Variants in EPHA6 observed in about 807,000 individuals in gnomAD.
EPHA6 encodes the protein ephrin type-A receptor 6.
In EPHA6, 50 loss-of-function variants were observed where a neutral mutation model predicts 112.0. The ratio of observed to expected loss-of-function variants is 0.45; its 90% CI spans 0.36 to 0.56. The LOEUF (loss-of-function observed/expected upper bound fraction) is 0.56, where lower values mean the gene tolerates loss of function less well. EPHA6 is among the 20% of genes least tolerant of loss of function. EPHA6 has a pLI of 0.00. For missense variants in EPHA6, 1,280 were observed against 1,417.4 expected (o/e 0.90, Z 1.56); for synonymous variants, 529 against 490.7 (o/e 1.08, Z -1.03).
intron 5 of EPHA6, among the ~76,000 whole-genome samples, chr3:97,255,228 A>G (rs898930823): frequency 6.6e-6 from 1 of 151,846 alleles, no homozygotes; most frequent in Non-Finnish European, 1.5e-5. Flanking sequence ...AATGAGTGCT[A>G]TGAAAACGTT....
At chr3:97,286,104 T>C (rs1050257991) in intron 5 of EPHA6, among the ~76,000 whole-genome samples, 8 of 152,170 alleles carry the variant, frequency 5.3e-5, no homozygotes, top group African/African-American at 1.9e-4. Context: ...CACTGAGTTA[T>C]TTCTGTTCTC....
At chr3:97,470,880 A>G (rs1031688708) in intron 7 of EPHA6, among the ~76,000 whole-genome samples, 5 of 151,750 alleles carry the variant, frequency 3.3e-5, no homozygotes, top group Admixed American at 2.0e-4. Context: ...ACAAAGGATC[A>G]TTTCCAATCA....
intron 3 of EPHA6, among the ~76,000 whole-genome samples, chr3:97,225,149 G>A (rs1378100004): frequency 1.3e-5 from 2 of 152,228 alleles, no homozygotes; most frequent in Admixed American, 1.3e-4. Flanking sequence ...TAGAGAGGGG[G>A]TTTCACCGTG....
intron 3 of EPHA6, among the ~76,000 whole-genome samples, chr3:97,204,040 G>C (rs1344413380): frequency 1.3e-5 from 2 of 152,074 alleles, no homozygotes; most frequent in Non-Finnish European, 2.9e-5. Flanking sequence ...ATGAAAGGTT[G>C]TATAATTATG....
At chr3:96,922,881 CT>C (rs1333880623) in intron 2 of EPHA6, among the ~76,000 whole-genome samples, 1 of 152,180 alleles carries the variant, frequency 6.6e-6, no homozygotes, top group Admixed American at 6.5e-5. Context: ...TCGTGTCTCA[CT>C]GTTAAGTAAG....
chr3:96,907,469 G>A (rs2038994829), intron 2 of EPHA6, among the ~76,000 whole-genome samples: 1 of 145,078 alleles, frequency 6.9e-6, no homozygotes, highest in Non-Finnish European at 1.5e-5. Flanking sequence ...TCGTTTACTA[G>A]GAAAAAAAAT....
chr3:97,020,377 TA>T (rs2044414013), intron 3 of EPHA6, among the ~76,000 whole-genome samples: 2 of 152,144 alleles, frequency 1.3e-5, no homozygotes, highest in African/African-American at 4.8e-5. Flanking sequence ...AGCGAAATAA[TA>T]GGACAACATG....
At chr3:97,178,908 GTTA>G (rs1559777394) in intron 3 of EPHA6, among the ~76,000 whole-genome samples, 1 of 151,982 alleles carries the variant, frequency 6.6e-6, no homozygotes, top group East Asian at 1.9e-4. Flanking sequence ...AAAGTTCTCT[GTTA>G]TTATTCCTTT....
At chr3:97,588,697 T>C (rs990553064) in intron 11 of EPHA6, among the ~76,000 whole-genome samples, 2 of 152,238 alleles carry the variant, frequency 1.3e-5, no homozygotes, top group African/African-American at 4.8e-5. Flanking sequence ...TTTATAATCA[T>C]TTGCTACATT....
chr3:97,702,494 G>T (rs180865755), intron 14 of EPHA6, among the ~76,000 whole-genome samples: 154 of 152,268 alleles, frequency 1.0e-3, no homozygotes, highest in African/African-American at 3.5e-3. Context: ...TTAGAAACCT[G>T]ATGCTTCTTC....
chr3:97,414,294 C>T (rs1180897052), intron 6 of EPHA6, among the ~76,000 whole-genome samples: 3 of 151,880 alleles, frequency 2.0e-5, no homozygotes, highest in African/African-American at 7.3e-5. Flanking sequence ...GAGGCATTCC[C>T]CTGCTTCAAC....
At position 97,443,417 on chromosome 3, in the gene EPHA6, G is replaced by T. The variant is rs150855402; in HGVS notation, c.1732-5151G>T. ...AGAGTACTACATATTAATAGCACTT[G>T]GACCTATTCCTGCACTTGCACCTAT... On this transcript the variant is annotated intron_variant, in intron 6 of 17. Coordinates refer to ENST00000389672, the MANE Select transcript of EPHA6 (RefSeq NM_001080448.3). Among the ~76,000 whole-genome samples, 7 of 149,304 alleles carry T rather than the reference G, an allele frequency of 4.7e-5. No homozygotes were observed. In the East Asian group the frequency reaches 1.4e-3, roughly 29 times the overall value.
intron 14 of EPHA6, among the ~76,000 whole-genome samples, chr3:97,673,589 T>C (rs2031067554): frequency 6.6e-6 from 1 of 152,146 alleles, no homozygotes. Context: ...CTCTGAGTCA[T>C]ATGTAAGAGC....
chr3:96,899,255 GT>G (rs2038467651), intron 2 of EPHA6, among the ~76,000 whole-genome samples: 1 of 151,990 alleles, frequency 6.6e-6, no homozygotes. Flanking sequence ...ATCTTTACAT[GT>G]CCATCTTCCC....
intron 3 of EPHA6, among the ~76,000 whole-genome samples, chr3:97,105,035 T>C (rs1399969005): frequency 6.6e-6 from 1 of 152,080 alleles, no homozygotes; most frequent in Non-Finnish European, 1.5e-5. Context: ...TTCTCTCTTT[T>C]CTTCTTTACT....
At chr3:97,444,029 A>G (rs954642941) in intron 6 of EPHA6, among the ~76,000 whole-genome samples, 3 of 152,146 alleles carry the variant, frequency 2.0e-5, no homozygotes, top group African/African-American at 7.2e-5. Context: ...ATTTGATCAT[A>G]GATAAATGGA....
In EPHA6 at chr3:96,994,311, C is replaced by A. The variant is rs567372838; in HGVS notation, c.1114+6318C>A. On this transcript the variant is annotated intron_variant, in intron 3 of 17. Coordinates refer to ENST00000389672, the MANE Select transcript of EPHA6 (RefSeq NM_001080448.3). Reference sequence around the variant, plus strand: ...AACTTTTAATTTTATTTCATAGATTCATAATTAAGACTGTCATATTGGACA... The same window carrying A: ...AACTTTTAATTTTATTTCATAGATTAATAATTAAGACTGTCATATTGGACA... The A allele has an allele frequency of 2.9e-5, 8 of 278,354 alleles. No individual in the cohort carries two copies. The East Asian group carries it at 3.8e-4, about 13-fold the overall frequency. The allele number at this position is 278,354 out of a possible 1,614,324, so 17.2% of individuals were successfully genotyped here. A position where few individuals can be genotyped will look rare whatever the true frequency, so the allele number is the denominator to read the frequency against.
At chr3:97,708,097 CA>C (rs2033777404) in intron 14 of EPHA6, among the ~76,000 whole-genome samples, 1 of 152,092 alleles carries the variant, frequency 6.6e-6, no homozygotes, top group Non-Finnish European at 1.5e-5. Context: ...GAATAATGGG[CA>C]GAGGTTGGAA....
chr3:97,298,770 A>G (rs2080973035), intron 5 of EPHA6, among the ~76,000 whole-genome samples: 1 of 152,128 alleles, frequency 6.6e-6, no homozygotes, highest in Non-Finnish European at 1.5e-5. Flanking sequence ...AGGTTTTTAG[A>G]TTGATTTTCT....
Sources: allele counts gnomAD v4.1 joint callset (sites outside exome capture counted in the v4.1 genomes callset), GRCh38; gene constraint gnomAD v4.1.1; transcripts MANE v1.5; gene names NCBI Gene and HGNC (gene_info 2026-07-23, HGNC 2026-07-21).